MCC: variants seen among roughly 807,000 people sequenced by gnomAD.
MCC encodes colorectal mutant cancer protein.
MCC carries 90 observed loss-of-function variants against 116.2 expected under a neutral mutation model. The ratio of observed to expected loss-of-function variants is 0.77; its 90% CI spans 0.65 to 0.92. The LOEUF is 0.92. Among genes scored for constraint, MCC ranks in the 40% least tolerant of loss-of-function variants. The probability of loss-of-function intolerance (pLI) is 0.00; values close to 1 mark genes in which losing one functional copy is unlikely to be tolerated. For missense variants in MCC, 1,516 were observed against 1,312.2 expected, an observed-to-expected ratio of 1.16 and a Z score of -2.40; for synonymous variants, 578 against 510.5, an observed-to-expected ratio of 1.13 and a Z score of -1.78.
At chr5:113,046,337 C>T (rs558472052) in intron 16 of MCC, among the ~76,000 whole-genome samples, 1 of 152,012 alleles carries the variant, frequency 6.6e-6, no homozygotes, top group Admixed American at 6.5e-5. Context: ...GGATTACAGG[C>T]GCCACCACCA....
chr5:113,466,589 G>A (rs1350533420), intron 1 of MCC, among the ~76,000 whole-genome samples: 3 of 151,968 alleles, frequency 2.0e-5, no homozygotes, highest in Non-Finnish European at 4.4e-5. Flanking sequence ...ATCATTGTTG[G>A]ACATTTAGGT....
intron 3 of MCC, among the ~76,000 whole-genome samples, chr5:113,168,361 G>A (rs954061686): frequency 6.6e-6 from 1 of 152,142 alleles, no homozygotes; most frequent in Admixed American, 6.5e-5. Flanking sequence ...ATTCAGACAA[G>A]TGCTTTAACA....
At chr5:113,138,161 C>A (rs186854692) in intron 5 of MCC, among the ~76,000 whole-genome samples, 1 of 152,144 alleles carries the variant, frequency 6.6e-6, no homozygotes, top group East Asian at 1.9e-4. Flanking sequence ...GGACTATAGG[C>A]ACGCACCACC....
At chr5:113,252,190 A>T (rs1764827363) in intron 3 of MCC, among the ~76,000 whole-genome samples, 1 of 151,910 alleles carries the variant, frequency 6.6e-6, no homozygotes, top group Admixed American at 6.6e-5. Flanking sequence ...TTCCCATCCC[A>T]TTATCTTAGT....
At chr5:113,396,966 T>C (rs1769544029) in intron 1 of MCC, among the ~76,000 whole-genome samples, 1 of 152,172 alleles carries the variant, frequency 6.6e-6, no homozygotes, top group East Asian at 1.9e-4. Flanking sequence ...TAACTTTCTT[T>C]AGGGGCATAA....
At chr5:113,349,524 G>C (rs1768215919) in intron 2 of MCC, among the ~76,000 whole-genome samples, 1 of 151,952 alleles carries the variant, frequency 6.6e-6, no homozygotes, top group African/African-American at 2.4e-5. Flanking sequence ...TCAAAAAACT[G>C]AGTATAGAAG....
At chr5:113,049,360 C>G in intron 15 of MCC, 61 bp from the exon 16 acceptor site, 1 of 1,417,796 alleles carries the variant, frequency 7.1e-7, no homozygotes, top group Middle Eastern at 2.0e-4. Context: ...GGCCTGGCTG[C>G]TGCCAAGTGG....
chr5:113,299,018 G>T (rs962650233), intron 3 of MCC, among the ~76,000 whole-genome samples: 2 of 152,094 alleles, frequency 1.3e-5, no homozygotes, highest in Admixed American at 6.6e-5. Flanking sequence ...GCCGGATGCA[G>T]TGGCTCACAC....
intron 1 of MCC, among the ~76,000 whole-genome samples, chr5:113,417,054 A>G (rs992166267): frequency 3.6e-5 from 5 of 140,352 alleles, no homozygotes; most frequent in Non-Finnish European, 7.5e-5. Flanking sequence ...ACTGCAACCT[A>G]TTTCTCCCAG....
chr5:113,420,182 A>T (rs1770288348), intron 1 of MCC, among the ~76,000 whole-genome samples: 1 of 150,740 alleles, frequency 6.6e-6, no homozygotes, highest in Admixed American at 6.6e-5. Flanking sequence ...AAATATAAAA[A>T]TCTTATATTA....
chr5:113,381,817 C>A (rs1769131068), intron 2 of MCC, among the ~76,000 whole-genome samples: 1 of 151,902 alleles, frequency 6.6e-6, no homozygotes, highest in South Asian at 2.1e-4. Flanking sequence ...CCCATGGGAC[C>A]ACAAGAAATC....
intron 3 of MCC, among the ~76,000 whole-genome samples, chr5:113,181,145 G>T (rs1398349472): frequency 6.6e-6 from 1 of 152,186 alleles, no homozygotes; most frequent in Non-Finnish European, 1.5e-5. Context: ...AGGCAATTTA[G>T]ACTATTCCTA....
At chr5:113,292,897 T>C (rs1034782482) in intron 3 of MCC, among the ~76,000 whole-genome samples, 2 of 152,070 alleles carry the variant, frequency 1.3e-5, no homozygotes, top group African/African-American at 4.8e-5. Context: ...GGGCCCTGGG[T>C]TCTAGTTCAG....
chr5:113,143,498 G>T, intron 4 of MCC, 138 bp from the exon 5 acceptor site: 1 of 873,302 alleles, frequency 1.1e-6, no homozygotes, highest in Non-Finnish European at 1.8e-6. Flanking sequence ...CAGCTCATCG[G>T]CTGGCAATCC....
At chr5:113,474,572 C>A (rs745581471) in intron 1 of MCC, among the ~76,000 whole-genome samples, 1 of 152,132 alleles carries the variant, frequency 6.6e-6, no homozygotes, top group Non-Finnish European at 1.5e-5. Flanking sequence ...AAGGAACAGG[C>A]AACTGTTGAA....
In MCC at chr5:113,059,311, C is replaced by T. The variant is rs541882063; in HGVS notation, c.2213+4673G>A. 3.9e-5 allele frequency among the ~76,000 whole-genome samples: 6 copies of T among 152,234 alleles called. No individual in the cohort carries two copies. In the East Asian group the frequency reaches 5.8e-4, roughly 15 times the overall value. On this transcript the variant is annotated intron_variant, in intron 14 of 18. Coordinates refer to ENST00000408903, the MANE Select transcript of MCC (RefSeq NM_001085377.2). The stretch of plus-strand genomic sequence containing the variant: ...GGACAGCAGCGGGGAACAGATCAGG[C>T]GAGGTTAATTACAATTCTGCTTTGA...
At chr5:113,187,838 C>T (rs955390063) in intron 3 of MCC, among the ~76,000 whole-genome samples, 3 of 151,800 alleles carry the variant, frequency 2.0e-5, no homozygotes, top group African/African-American at 4.8e-5. Flanking sequence ...ACATCAAAGA[C>T]TCTCTCACAT....
At chr5:113,290,780 C>A (rs1361161806) in intron 3 of MCC, among the ~76,000 whole-genome samples, 1 of 152,174 alleles carries the variant, frequency 6.6e-6, no homozygotes, top group African/African-American at 2.4e-5. Context: ...GCTTCTTGAT[C>A]ATGGGGGAGA....
At chr5:113,308,370 G>A (rs1259017241) in intron 3 of MCC, among the ~76,000 whole-genome samples, 2 of 152,268 alleles carry the variant, frequency 1.3e-5, no homozygotes, top group African/African-American at 4.8e-5. Context: ...AAACAGGGCT[G>A]GTATGACTGT....
Sources: allele counts gnomAD v4.1 joint callset (sites outside exome capture counted in the v4.1 genomes callset), GRCh38; gene constraint gnomAD v4.1.1; transcripts MANE v1.5; gene names NCBI Gene and HGNC (gene_info 2026-07-23, HGNC 2026-07-21).